SH3BGR: variants seen among roughly 807,000 people sequenced by gnomAD.
The protein encoded by SH3BGR is SH3 domain-binding glutamic acid-rich protein.
Under a neutral mutation model 24.5 loss-of-function variants are expected in SH3BGR, and 29 were observed. The ratio of observed to expected loss-of-function variants is 1.18; its 90% CI spans 0.88 to 1.61. The LOEUF (loss-of-function observed/expected upper bound fraction) is 1.61. Ranked by LOEUF, SH3BGR falls within the 40% of genes most tolerant of loss-of-function variation. SH3BGR has a pLI of 0.00. For synonymous variants in SH3BGR, 55 were observed against 65.7 expected (o/e 0.84, Z 0.79); for missense variants, 162 against 205.8 (o/e 0.79, Z 1.30).
intron 2 of SH3BGR, among the ~76,000 whole-genome samples, chr21:39,463,453 C>T (rs2077789030): frequency 6.6e-6 from 1 of 152,162 alleles, no homozygotes; most frequent in Non-Finnish European, 1.5e-5. Context: ...ACTTAGAGGT[C>T]ATCTAAGCCA....
intron 1 of SH3BGR, among the ~76,000 whole-genome samples, chr21:39,458,536 C>G (rs1376825656): frequency 1.3e-5 from 2 of 151,928 alleles, no homozygotes; most frequent in Non-Finnish European, 2.9e-5. Context: ...CAAGGTTTCG[C>G]CATGTTGGCC....
intron 3 of SH3BGR, among the ~76,000 whole-genome samples, chr21:39,492,502 C>CTTGTTG (rs2078321939): frequency 6.8e-6 from 1 of 148,036 alleles, no homozygotes; most frequent in African/African-American, 2.6e-5. Context: ...ACACACACCA[C>CTTGTTG]ATTTTCTTTA....
chr21:39,469,155 T>TA (rs1201976215), intron 2 of SH3BGR, among the ~76,000 whole-genome samples: 1 of 151,876 alleles, frequency 6.6e-6, no homozygotes, highest in Non-Finnish European at 1.5e-5. Context: ...AAGAGGAAGG[T>TA]ACAGAAATTT....
intron 5 of SH3BGR, among the ~76,000 whole-genome samples, chr21:39,509,342 C>T (rs940285980): frequency 2.0e-5 from 3 of 152,146 alleles, no homozygotes; most frequent in Non-Finnish European, 2.9e-5. Flanking sequence ...GCCTGCTCCT[C>T]GTCCTTTTCC....
At chr21:39,500,451 T>G (rs2078474970) in intron 4 of SH3BGR, among the ~76,000 whole-genome samples, 1 of 152,048 alleles carries the variant, frequency 6.6e-6, no homozygotes, top group African/African-American at 2.4e-5. Context: ...TCTAAAGGGG[T>G]TCCCATGCAG....
intron 3 of SH3BGR, among the ~76,000 whole-genome samples, chr21:39,481,977 C>A (rs981129737): frequency 6.6e-6 from 1 of 152,090 alleles, no homozygotes; most frequent in Non-Finnish European, 1.5e-5. Flanking sequence ...AAGGGGAAAC[C>A]GATCTTTATA....
intron 3 of SH3BGR, among the ~76,000 whole-genome samples, chr21:39,476,196 A>G (rs2078024642): frequency 6.6e-6 from 1 of 152,126 alleles, no homozygotes; most frequent in African/African-American, 2.4e-5. Flanking sequence ...GAGAGTAGGG[A>G]AGGCAGGAGG....
At chr21:39,454,193 A>G (rs1691518706) in intron 1 of SH3BGR, among the ~76,000 whole-genome samples, 2 of 152,182 alleles carry the variant, frequency 1.3e-5, no homozygotes, top group African/African-American at 4.8e-5. Flanking sequence ...ACTTCTTGGC[A>G]GGAAAACCCT....
chr21:39,461,867 G>T (rs1371927634), intron 1 of SH3BGR, among the ~76,000 whole-genome samples: 2 of 151,564 alleles, frequency 1.3e-5, no homozygotes, highest in Admixed American at 1.3e-4. Flanking sequence ...ATATTTTTTT[G>T]GGATGGAATC....
chr21:39,461,435 CTGTT>C lies in SH3BGR; in HGVS notation c.46-936_46-933del, dbSNP rs532775380. Among the ~76,000 whole-genome samples the C allele has an allele frequency of 1.2e-3, 180 of 152,270 alleles. 1 individual carries two copies. Among genetic ancestry groups the C allele is most frequent in the African/African-American group, 4.1e-3 (171 of 41,558 alleles). ...TATAGGTGTGAGCCACTGTGCTTGGCTGTTTGTAGATCTTAATTGGCTTTTGTGA... is the reference window on the plus strand; with the variant it reads ...TATAGGTGTGAGCCACTGTGCTTGGCTGTAGATCTTAATTGGCTTTTGTGA... On this transcript the variant is annotated intron_variant, in intron 1 of 6. Coordinates refer to ENST00000333634, the MANE Select transcript of SH3BGR (RefSeq NM_007341.3).
At chr21:39,490,348 A>C (rs1475797955) in intron 3 of SH3BGR, among the ~76,000 whole-genome samples, 1 of 152,248 alleles carries the variant, frequency 6.6e-6, no homozygotes, top group Non-Finnish European at 1.5e-5. Flanking sequence ...TGTTCTAATA[A>C]ATTTGAAAAG....
At chr21:39,455,489 C>T (rs2077640051) in intron 1 of SH3BGR, among the ~76,000 whole-genome samples, 1 of 152,196 alleles carries the variant, frequency 6.6e-6, no homozygotes, top group South Asian at 2.1e-4. Context: ...ACACCCCTCC[C>T]TCTGGGCCAT....
At chr21:39,510,484 A>C in intron 5 of SH3BGR, among the ~76,000 whole-genome samples, 2 of 139,860 alleles carry the variant, frequency 1.4e-5, no homozygotes, top group Admixed American at 7.4e-5. Flanking sequence ...CACACACCCC[A>C]TCAATTTCTG....
chr21:39,448,862 C>A (rs772955999), upstream of SH3BGR, among the ~76,000 whole-genome samples: 52 of 152,282 alleles, frequency 3.4e-4, no homozygotes, highest in Admixed American at 7.2e-4. Flanking sequence ...TGATGCCAGC[C>A]AATGGAAACA....
intron 3 of SH3BGR, among the ~76,000 whole-genome samples, chr21:39,484,870 C>T (rs758158862): frequency 5.3e-5 from 8 of 152,232 alleles, no homozygotes; most frequent in Non-Finnish European, 1.2e-4. Flanking sequence ...TTTATGGAAA[C>T]ATTACTTATC....
At chr21:39,468,977 C>T (rs1488361479) in intron 2 of SH3BGR, among the ~76,000 whole-genome samples, 1 of 149,410 alleles carries the variant, frequency 6.7e-6, no homozygotes, top group African/African-American at 2.5e-5. Context: ...AGTTGGTTTT[C>T]ATAATTCTGT....
intron 2 of SH3BGR, among the ~76,000 whole-genome samples, chr21:39,470,600 C>G (rs923172509): frequency 6.6e-6 from 1 of 152,194 alleles, no homozygotes; most frequent in African/African-American, 2.4e-5. Context: ...CACTTTCACC[C>G]TAATCACTCT....
intron 3 of SH3BGR, among the ~76,000 whole-genome samples, chr21:39,497,848 T>C (rs1372891075): frequency 6.6e-6 from 1 of 152,204 alleles, no homozygotes; most frequent in Non-Finnish European, 1.5e-5. Context: ...GTTATGAGGA[T>C]AAAGGAGAAG....
intron 3 of SH3BGR, among the ~76,000 whole-genome samples, chr21:39,495,112 T>C (rs1190577918): frequency 2.2e-5 from 2 of 92,954 alleles, no homozygotes; most frequent in Non-Finnish European, 4.2e-5. Flanking sequence ...CATGTTTGCC[T>C]TTACATCTTT....
Sources: gnomAD v4.1 joint callset for allele counts (sites outside exome capture counted in the v4.1 genomes callset) on GRCh38, gnomAD v4.1.1 for gene constraint, MANE v1.5 for transcripts, NCBI Gene and HGNC (gene_info 2026-07-23, HGNC 2026-07-21) for gene names.